The following GBF1 variants were observed in gnomAD, a reference collection of about 807,000 sequenced individuals.
The protein encoded by GBF1 is Golgi-specific brefeldin A-resistance guanine nucleotide exchange factor 1.
GBF1 carries 114 observed loss-of-function variants against 210.5 expected under a neutral mutation model. That is an observed-to-expected ratio of 0.54 (90% CI 0.47 to 0.63). GBF1 has a LOEUF of 0.63. GBF1 is among the 30% of genes least tolerant of loss of function. GBF1 has a pLI of 0.00. For synonymous variants in GBF1, 850 were observed against 889.2 expected, an observed-to-expected ratio of 0.96 and a Z score of 0.78; for missense variants, 1,851 against 2,357.7, an observed-to-expected ratio of 0.79 and a Z score of 4.45.
At chr10:102,340,661 A>G (rs1034561411) in intron 3 of GBF1, among the ~76,000 whole-genome samples, 9 of 152,082 alleles carry the variant, frequency 5.9e-5, no homozygotes, top group Non-Finnish European at 4.4e-5. Context: ...CACCCACCTC[A>G]GTCTTCCAAA....
In GBF1 at chr10:102,376,348, A is replaced by G. The variant is rs1387928094; in HGVS notation, c.3963A>G (p.Ser1321=). ...VSLDRGYTSD[S]EVYTDHGRPG... is the part of the protein sequence containing the mutation. ...TGGATCGAGGGTACACTTCCGACTCAGAGGTCTACACTGACCATGGCAGGC... is the reference window on the plus strand; with the variant it reads ...TGGATCGAGGGTACACTTCCGACTCGGAGGTCTACACTGACCATGGCAGGC... Residue 1321 remains serine, a synonymous_variant, in exon 31 of 40, where the codon TCA becomes TCG. Transcript: ENST00000369983. 4.3e-6 allele frequency: 7 copies of G among 1,613,830 alleles called. No individual in the cohort carries two copies. In the African/African-American group the frequency reaches 8.0e-5, roughly 18 times the overall value.
chr10:102,382,287 TG>T lies in GBF1; in HGVS notation c.5536del (p.Ala1846ProfsTer91). On this transcript the variant is annotated frameshift_variant, in exon 40 of 40. Transcript: ENST00000369983. LOFTEE classifies it high-confidence loss of function. ...GAGGCCACCTCACCAGTGCCCCTCC[TG>T]GCCACACCCCGCCCCACAGATCCCA... is the stretch of plus-strand genomic sequence containing the variant. ...LIEATSPVPL[L>X]ATPRPTDPIP... The T allele has an allele frequency of 6.2e-7, 1 of 1,613,920 alleles. No individual in the cohort carries two copies. Among genetic ancestry groups the T allele is most frequent in the Non-Finnish European group, 8.5e-7 (1 of 1,179,892 alleles).
chr10:102,331,465 G>C (rs2057327153), intron 3 of GBF1, among the ~76,000 whole-genome samples: 1 of 152,018 alleles, frequency 6.6e-6, no homozygotes, highest in African/African-American at 2.4e-5. Context: ...AGAGAGTTAA[G>C]GTTTGGGGTT....
At chr10:102,348,842 T>A (rs1589729591) in intron 4 of GBF1, among the ~76,000 whole-genome samples, 1 of 152,204 alleles carries the variant, frequency 6.6e-6, no homozygotes, top group South Asian at 2.1e-4. Flanking sequence ...GACTTCTGGC[T>A]TATCATTGCA....
chr10:102,320,839 G>A (rs2056322306), intron 3 of GBF1, among the ~76,000 whole-genome samples: 1 of 151,112 alleles, frequency 6.6e-6, no homozygotes, highest in African/African-American at 2.4e-5. Flanking sequence ...CCAGACTGGA[G>A]TGCAGTGGTG....
At position 102,380,774 on chromosome 10, in the gene GBF1, G is replaced by A. The variant is rs572473223; in HGVS notation, c.5173+88G>A. 565 of 1,092,066 alleles carry A rather than the reference G, an allele frequency of 5.2e-4. 1 individual carries two copies. In the African/African-American group the frequency reaches 6.9e-3, roughly 13 times the overall value. The allele number at this position is 1,092,066 out of a possible 1,614,324, so 67.6% of individuals were successfully genotyped here. A position where few individuals can be genotyped will look rare whatever the true frequency, so the allele number is the denominator to read the frequency against. ...TCTAATCCCAGCACTTTGAGAGGCC[G>A]AGGTGGGTGGATCACCCGAGGGCAG... On this transcript the variant is annotated intron_variant, in intron 38 of 39. Transcript: ENST00000369983.
chr10:102,318,755 G>T (rs2056097210), intron 3 of GBF1, among the ~76,000 whole-genome samples: 1 of 151,380 alleles, frequency 6.6e-6, no homozygotes, highest in African/African-American at 2.4e-5. Flanking sequence ...ATAATATGTT[G>T]ATACTACATT....
At chr10:102,357,564 G>A (rs1216010061) in intron 8 of GBF1, among the ~76,000 whole-genome samples, 1 of 152,036 alleles carries the variant, frequency 6.6e-6, no homozygotes, top group Non-Finnish European at 1.5e-5. Context: ...GGAAGGAATA[G>A]GCTCTTATAG....
chr10:102,273,454 C>T (rs1286822127), intron 3 of GBF1, among the ~76,000 whole-genome samples: 3 of 152,200 alleles, frequency 2.0e-5, no homozygotes, highest in Non-Finnish European at 4.4e-5. Context: ...TGGGTTGTAG[C>T]GTAAGCTGTA....
chr10:102,342,086 G>C (rs553824097), intron 3 of GBF1, among the ~76,000 whole-genome samples: 3 of 150,186 alleles, frequency 2.0e-5, no homozygotes, highest in East Asian at 3.9e-4. Context: ...ACCCAGGCTG[G>C]AGTGCAGTGG....
chr10:102,319,814 C>G (rs148355679), intron 3 of GBF1, among the ~76,000 whole-genome samples: 1 of 150,876 alleles, frequency 6.6e-6, no homozygotes, highest in African/African-American at 2.4e-5. Flanking sequence ...CTGCAACCTC[C>G]GCCTCCCAAG....
Position 102,365,542 on chromosome 10 carries a change from T to C in GBF1, c.2252T>C (p.Met751Thr). The stretch of plus-strand genomic sequence containing the variant: ...GAGAACCCTCGGCTGGACAAGAAGA[T>C]GATTGGAGAGTTTGTGAGTGACCGC... ...LRENPRLDKK[M>T]IGEFVSDRKN... The change falls in exon 18 of 40, where the codon ATG becomes ACG. Residue 751 changes from methionine to threonine, a missense_variant. Around this residue, in one of 3 missense-constraint regions of GBF1, gnomAD observed 804 missense variants for 958.6 expected, o/e 0.84. Transcript: ENST00000369983. 2 of 1,614,062 alleles carry C rather than the reference T, an allele frequency of 1.2e-6. No homozygotes were observed. Among genetic ancestry groups the C allele is most frequent in the South Asian group, 1.1e-5 (1 of 91,074 alleles).
At chr10:102,230,724 C>T in the GBF1 span, 95 of 1,521,166 alleles carry the variant, frequency 6.2e-5, no homozygotes, top group Non-Finnish European at 8.0e-5. Flanking sequence ...AGGACACGGC[C>T]CCGGAGGACA....
chr10:102,257,941 C>A (rs2133990875), intron 1 of GBF1, among the ~76,000 whole-genome samples: 1 of 152,138 alleles, frequency 6.6e-6, no homozygotes, highest in African/African-American at 2.4e-5. Context: ...TATCTGTGTA[C>A]TTAAAGGCAT....
intron 3 of GBF1, among the ~76,000 whole-genome samples, chr10:102,278,973 C>T (rs2075247753): frequency 1.3e-5 from 2 of 152,134 alleles, no homozygotes; most frequent in Admixed American, 1.3e-4. Flanking sequence ...GAAGATCATA[C>T]TCCTCTTTAA....
chr10:102,363,742 T>C lies in GBF1; in HGVS notation c.2050T>C (p.Phe684Leu). The change falls in exon 17 of 40, where the codon TTT becomes CTT. Residue 684 changes from phenylalanine to leucine, a missense_variant. Around this residue, in one of 3 missense-constraint regions of GBF1, gnomAD observed 804 missense variants for 958.6 expected, o/e 0.84. Coordinates refer to ENST00000369983, the MANE Select transcript of GBF1 (RefSeq NM_001377137.1). This position sits in a 1 kb window ranked among gnomAD's most constrained non-coding sequence, Gnocchi z 4.2. ...DKKFARKPPR[F>L]SCLLPDPREL... ...AAAGTTTGCCCGGAAGCCACCCCGA[T>C]TTTCCTGTCTCCTGCCAGATCCACG... 3 of 1,613,592 alleles carry C rather than the reference T, an allele frequency of 1.9e-6. No individual in the cohort carries two copies. Among genetic ancestry groups the C allele is most frequent in the Non-Finnish European group, 2.5e-6 (3 of 1,179,514 alleles).
intron 18 of GBF1, 51 bp downstream of exon 18, chr10:102,365,650 C>A: frequency 6.8e-7 from 1 of 1,475,548 alleles, no homozygotes; most frequent in Non-Finnish European, 9.5e-7. Flanking sequence ...GTGGCTCATG[C>A]CTGTAATCCT....
At chr10:102,292,242 T>G (rs1481645596) in intron 3 of GBF1, among the ~76,000 whole-genome samples, 2 of 151,954 alleles carry the variant, frequency 1.3e-5, no homozygotes, top group African/African-American at 4.8e-5. Context: ...GCCTTTCCAT[T>G]TTCTTCTCTA....
intron 1 of GBF1, among the ~76,000 whole-genome samples, chr10:102,249,053 T>G (rs1454144542): frequency 6.6e-6 from 1 of 152,212 alleles, no homozygotes; most frequent in African/African-American, 2.4e-5. Context: ...ATTTAGATCA[T>G]TGTGTTTTCT....
Sources: gnomAD v4.1 joint callset for allele counts (sites outside exome capture counted in the v4.1 genomes callset) on GRCh38, gnomAD v4.1.1 for gene constraint, gnomAD v4.1.1 regional missense constraint, Gnocchi (gnomAD v3.1) non-coding constraint, MANE v1.5 for transcripts, NCBI Gene and HGNC (gene_info 2026-07-23, HGNC 2026-07-21) for gene names.